Variants in WWOX observed in about 807,000 individuals in gnomAD.
WWOX encodes the protein WW domain-containing oxidoreductase.
WWOX carries 69 observed loss-of-function variants against 46.2 expected under a neutral mutation model. The observed-to-expected ratio is 1.49, with a 90% CI of 1.23 to 1.82. The LOEUF (loss-of-function observed/expected upper bound fraction) is 1.82, where lower values mean the gene tolerates loss of function less well. Among genes scored for constraint, WWOX ranks in the 40% most tolerant of loss-of-function variants. The pLI is 0.00. For synonymous variants in WWOX, 359 were observed against 202.6 expected (o/e 1.77, Z -6.56); for missense variants, 919 against 542.6 (o/e 1.69, Z -6.89).
intron 6 of WWOX, among the ~76,000 whole-genome samples, chr16:78,391,868 A>G (rs146313626): frequency 2.6e-5 from 4 of 152,138 alleles, no homozygotes; most frequent in African/African-American, 9.7e-5. Flanking sequence ...TGGCTAAAAA[A>G]CAACGTAAAA....
At chr16:78,174,403 C>G (rs1172291869) in intron 5 of WWOX, among the ~76,000 whole-genome samples, 1 of 152,152 alleles carries the variant, frequency 6.6e-6, no homozygotes. Flanking sequence ...CCGGGTCCCT[C>G]CCACAACATG....
chr16:78,372,008 G>A (rs1321441552), intron 5 of WWOX, among the ~76,000 whole-genome samples: 1 of 152,158 alleles, frequency 6.6e-6, no homozygotes, highest in Non-Finnish European at 1.5e-5. Context: ...ACTAGGCCTT[G>A]AAGAAGTGTA....
chr16:79,111,912 C>T (rs2049424265), intron 8 of WWOX, among the ~76,000 whole-genome samples: 1 of 152,130 alleles, frequency 6.6e-6, no homozygotes, highest in Non-Finnish European at 1.5e-5. Flanking sequence ...TAAACTCAAG[C>T]TTTGCAACTG....
At chr16:78,374,870 G>T (rs867029644) in intron 5 of WWOX, among the ~76,000 whole-genome samples, 7 of 151,892 alleles carry the variant, frequency 4.6e-5, no homozygotes, top group South Asian at 2.1e-4. Context: ...ATTTTTAGTA[G>T]AGACGGGTTT....
At chr16:78,670,272 C>T (rs909609916) in intron 8 of WWOX, among the ~76,000 whole-genome samples, 28 of 152,098 alleles carry the variant, frequency 1.8e-4, no homozygotes, top group African/African-American at 6.0e-4. Flanking sequence ...AGGGTCATAT[C>T]CTTGGATGTT....
At chr16:78,741,973 C>G (rs1370751126) in intron 8 of WWOX, among the ~76,000 whole-genome samples, 1 of 152,166 alleles carries the variant, frequency 6.6e-6, no homozygotes, top group African/African-American at 2.4e-5. Context: ...TTATCTCTGT[C>G]TCTCTCCCTC....
chr16:78,910,761 C>T (rs1407004241), intron 8 of WWOX, among the ~76,000 whole-genome samples: 1 of 151,880 alleles, frequency 6.6e-6, no homozygotes. Flanking sequence ...GACTTACTCA[C>T]TATCACAGAA....
intron 8 of WWOX, among the ~76,000 whole-genome samples, chr16:78,885,503 C>G (rs192211978): frequency 6.6e-6 from 1 of 152,154 alleles, no homozygotes. Flanking sequence ...CAAAATAGTT[C>G]TTCACAGTTT....
At chr16:78,868,833 C>T (rs944167143) in intron 8 of WWOX, among the ~76,000 whole-genome samples, 2 of 152,174 alleles carry the variant, frequency 1.3e-5, no homozygotes, top group Admixed American at 6.5e-5. Context: ...TGCAGCTCTT[C>T]TAGTCCTTAT....
intron 8 of WWOX, among the ~76,000 whole-genome samples, chr16:79,210,330 C>G (rs1336653687): frequency 6.6e-6 from 1 of 152,178 alleles, no homozygotes; most frequent in Non-Finnish European, 1.5e-5. Flanking sequence ...CAGTATGGAC[C>G]TGACTCTCCC....
At chr16:78,916,459 A>G (rs947671212) in intron 8 of WWOX, among the ~76,000 whole-genome samples, 2 of 152,234 alleles carry the variant, frequency 1.3e-5, no homozygotes, top group Non-Finnish European at 2.9e-5. Context: ...ATCGCTAAAG[A>G]GAATTTGGGG....
chr16:79,089,290 T>C (rs1020744796), intron 8 of WWOX, among the ~76,000 whole-genome samples: 1 of 152,076 alleles, frequency 6.6e-6, no homozygotes, highest in African/African-American at 2.4e-5. Flanking sequence ...TGGCAAAGGT[T>C]TGATTATAAA....
intron 8 of WWOX, among the ~76,000 whole-genome samples, chr16:78,580,465 C>G (rs2045021981): frequency 6.6e-6 from 1 of 152,212 alleles, no homozygotes; most frequent in African/African-American, 2.4e-5. Context: ...GGAGCTGAGT[C>G]TTTCATCAAA....
chr16:78,947,244 A>G (rs1427627766), intron 8 of WWOX, among the ~76,000 whole-genome samples: 1 of 152,144 alleles, frequency 6.6e-6, no homozygotes, highest in African/African-American at 2.4e-5. Flanking sequence ...AGTTTGCTAA[A>G]TGTTATATTT....
chr16:79,072,114 C>T (rs2048562417), intron 8 of WWOX, among the ~76,000 whole-genome samples: 1 of 151,950 alleles, frequency 6.6e-6, no homozygotes. Flanking sequence ...GAGACTCCAT[C>T]TCTACAAAAA....
chr16:78,331,707 A>G lies in WWOX; in HGVS notation c.517-55153A>G, dbSNP rs184574872. 1.8e-3 allele frequency among the ~76,000 whole-genome samples: 271 copies of G among 152,330 alleles called. 1 individual carries two copies. Among genetic ancestry groups the G allele is most frequent in the Non-Finnish European group, 3.4e-3 (232 of 68,038 alleles). ...AGGGAAAGAGTTTTGTTATCCTGAT[A>G]CACACATTCTTAAATGCCTCTAGCT... On this transcript the variant is annotated intron_variant, in intron 5 of 8. Coordinates refer to ENST00000566780, the MANE Select transcript of WWOX (RefSeq NM_016373.4).
At chr16:78,822,226 G>C (rs534266750) in intron 8 of WWOX, among the ~76,000 whole-genome samples, 1 of 152,150 alleles carries the variant, frequency 6.6e-6, no homozygotes, top group Non-Finnish European at 1.5e-5. Context: ...AGGTGTGGTG[G>C]CTTACCCCTG....
intron 8 of WWOX, among the ~76,000 whole-genome samples, chr16:78,589,427 G>A (rs1818518155): frequency 6.6e-6 from 1 of 152,142 alleles, no homozygotes; most frequent in South Asian, 2.1e-4. Flanking sequence ...CTTGAAGGGG[G>A]CTGATGCCTT....
chr16:79,177,954 C>T (rs1285021790), intron 8 of WWOX, among the ~76,000 whole-genome samples: 3 of 152,166 alleles, frequency 2.0e-5, no homozygotes, highest in Non-Finnish European at 4.4e-5. Context: ...GCAGATTCAG[C>T]TTCTGTTGAG....
Sources: allele counts gnomAD v4.1 joint callset (sites outside exome capture counted in the v4.1 genomes callset), GRCh38; gene constraint gnomAD v4.1.1; transcripts MANE v1.5; gene names NCBI Gene and HGNC (gene_info 2026-07-23, HGNC 2026-07-21).